The following PDE4B variants were observed in gnomAD, a reference collection of about 807,000 sequenced individuals.
The protein encoded by PDE4B is 3',5'-cyclic-AMP phosphodiesterase 4B.
A neutral mutation model predicts 82.2 loss-of-function variants in PDE4B; 20 were observed. That is an observed-to-expected ratio of 0.24 (90% CI 0.17 to 0.35). The LOEUF is 0.35. PDE4B is among the 10% of genes least tolerant of loss of function. The pLI is 1.00. For missense variants in PDE4B, 655 were observed against 907.2 expected (o/e 0.72, Z 3.57); for synonymous variants, 320 against 318.9 (o/e 1.00, Z -0.04).
intron 3 of PDE4B, among the ~76,000 whole-genome samples, chr1:66,060,365 T>C (rs1655521723): frequency 6.6e-6 from 1 of 152,178 alleles, no homozygotes; most frequent in Non-Finnish European, 1.5e-5. Flanking sequence ...TTAAAATACA[T>C]AGTACAATAC....
intron 6 of PDE4B, among the ~76,000 whole-genome samples, chr1:66,260,498 T>C (rs1454940461): frequency 2.0e-5 from 3 of 152,166 alleles, no homozygotes; most frequent in African/African-American, 7.2e-5. Flanking sequence ...TAAACCAGAA[T>C]GATGGAGATG....
At chr1:66,086,006 A>G (rs1360969107) in intron 3 of PDE4B, among the ~76,000 whole-genome samples, 3 of 152,124 alleles carry the variant, frequency 2.0e-5, no homozygotes, top group African/African-American at 7.2e-5. Flanking sequence ...TAACTTCAAT[A>G]ATAAAATGCT....
Position 66,090,621 on chromosome 1 carries a change from A to ATATATATGTGTGTGTGTG in PDE4B, c.282-156838_282-156837insATATATGTGTGTGTGTGT. On this transcript the variant is annotated intron_variant, in intron 3 of 16. Transcript: ENST00000341517. Reference sequence around the variant, plus strand: ...TTATATATATATATGTATATAATATATGTGTGTGTGTGTGTGTGTATGTAC... The same window carrying ATATATATGTGTGTGTGTG: ...TTATATATATATATGTATATAATATATATATATGTGTGTGTGTGTGTGTGTGTGTGTGTGTGTATGTAC... Among the ~76,000 whole-genome samples the ATATATATGTGTGTGTGTG allele has an allele frequency of 5.1e-3, 621 of 122,644 alleles. 6 individuals carry two copies. The highest frequency in any genetic ancestry group is 7.6e-3 in the African/African-American group (184 of 24,352). 80.5% of individuals were successfully genotyped at this position (122,644 alleles called of 152,430 possible).
At chr1:65,938,005 A>T (rs953225645) in intron 3 of PDE4B, among the ~76,000 whole-genome samples, 20 of 152,190 alleles carry the variant, frequency 1.3e-4, no homozygotes, top group Non-Finnish European at 2.2e-4. Context: ...TAAAAGAAGA[A>T]CAAACAAAAA....
chr1:66,093,277 TA>T (rs1475768981), intron 3 of PDE4B, among the ~76,000 whole-genome samples: 1 of 152,046 alleles, frequency 6.6e-6, no homozygotes, highest in Non-Finnish European at 1.5e-5. Context: ...AGCACTTATT[TA>T]AGATGATTTT....
intron 3 of PDE4B, among the ~76,000 whole-genome samples, chr1:65,949,607 A>G (rs767880219): frequency 6.6e-6 from 1 of 152,078 alleles, no homozygotes; most frequent in Admixed American, 6.6e-5. Flanking sequence ...TGATGTTTTT[A>G]GGCATATAAT....
At chr1:66,327,464 G>T (rs184832828) in intron 7 of PDE4B, among the ~76,000 whole-genome samples, 76 of 152,120 alleles carry the variant, frequency 5.0e-4, no homozygotes, top group Admixed American at 1.6e-3. Flanking sequence ...TGAATTTTTG[G>T]CTTCTCTGCA....
chr1:66,029,563 G>C (rs1653643374), intron 3 of PDE4B, among the ~76,000 whole-genome samples: 2 of 152,064 alleles, frequency 1.3e-5, no homozygotes, highest in Non-Finnish European at 2.9e-5. Context: ...GAAAGATGAA[G>C]AGTCTATTGA....
chr1:66,327,457 A>G (rs868421381), intron 7 of PDE4B, among the ~76,000 whole-genome samples: 2 of 152,156 alleles, frequency 1.3e-5, no homozygotes, highest in African/African-American at 4.8e-5. Context: ...TATCATTTGA[A>G]TTTTTGGCTT....
At chr1:66,288,082 T>C (rs1349074820) in intron 7 of PDE4B, among the ~76,000 whole-genome samples, 1 of 152,096 alleles carries the variant, frequency 6.6e-6, no homozygotes, top group East Asian at 1.9e-4. Context: ...CTCACAGTTC[T>C]GTATGATGGC....
At chr1:66,210,526 G>A (rs1046212100) in intron 3 of PDE4B, among the ~76,000 whole-genome samples, 13 of 147,330 alleles carry the variant, frequency 8.8e-5, no homozygotes, top group South Asian at 2.1e-4. Flanking sequence ...AACCCGGGAA[G>A]CGTAGGTTGC....
intron 3 of PDE4B, among the ~76,000 whole-genome samples, chr1:66,055,433 C>T (rs1011616367): frequency 6.6e-5 from 10 of 152,180 alleles, no homozygotes; most frequent in African/African-American, 2.4e-4. Context: ...TAGTTTAGTG[C>T]CTGGCACATA....
intron 3 of PDE4B, among the ~76,000 whole-genome samples, chr1:66,190,933 G>A (rs1028467662): frequency 2.6e-5 from 4 of 152,124 alleles, no homozygotes; most frequent in Non-Finnish European, 4.4e-5. Flanking sequence ...CGTCACTCAC[G>A]CTGGGAGCTG....
intron 3 of PDE4B, among the ~76,000 whole-genome samples, chr1:66,180,053 AC>A (rs1038879192): frequency 6.6e-6 from 1 of 152,212 alleles, no homozygotes; most frequent in African/African-American, 2.4e-5. Context: ...CATTTTTCAA[AC>A]ACAGCATGCC....
intron 7 of PDE4B, among the ~76,000 whole-genome samples, chr1:66,321,166 A>G (rs969374385): frequency 1.3e-5 from 2 of 152,198 alleles, no homozygotes; most frequent in South Asian, 4.1e-4. Flanking sequence ...ACTGTTCTCT[A>G]TTAATTCATT....
At chr1:66,065,106 G>C (rs936208280) in intron 3 of PDE4B, among the ~76,000 whole-genome samples, 1 of 151,814 alleles carries the variant, frequency 6.6e-6, no homozygotes, top group Non-Finnish European at 1.5e-5. Context: ...AATTTGCTTA[G>C]AGGTAGATTT....
chr1:66,346,512 A>T (rs1661406226), intron 8 of PDE4B, among the ~76,000 whole-genome samples: 2 of 152,172 alleles, frequency 1.3e-5, no homozygotes, highest in African/African-American at 4.8e-5. Context: ...GACTTGCTTC[A>T]TCTATCTTTC....
At chr1:66,054,652 G>A (rs1655208093) in intron 3 of PDE4B, among the ~76,000 whole-genome samples, 1 of 152,146 alleles carries the variant, frequency 6.6e-6, no homozygotes, top group Non-Finnish European at 1.5e-5. Context: ...CAGACTTGTA[G>A]TACAGATTGA....
At chr1:65,992,909 G>T in intron 3 of PDE4B, 1 of 1,613,272 alleles carries the variant, frequency 6.2e-7, no homozygotes, top group South Asian at 1.1e-5. Flanking sequence ...TACAAGACAT[G>T]ACAGCAAAAG....
Sources: allele counts gnomAD v4.1 joint callset (sites outside exome capture counted in the v4.1 genomes callset), GRCh38; gene constraint gnomAD v4.1.1; transcripts MANE v1.5; gene names NCBI Gene and HGNC (gene_info 2026-07-23, HGNC 2026-07-21).